Variants in KIAA1549 observed in about 807,000 individuals in gnomAD.
KIAA1549 encodes KIAA1549.
KIAA1549 carries 70 observed loss-of-function variants against 156.4 expected under a neutral mutation model. That is an observed-to-expected ratio of 0.45 (90% CI 0.37 to 0.55). The LOEUF is 0.55. Among genes scored for constraint, KIAA1549 ranks in the 20% least tolerant of loss-of-function variants. KIAA1549 has a pLI of 0.00. For synonymous variants in KIAA1549, 1,103 were observed against 1,066.4 expected, an observed-to-expected ratio of 1.03 and a Z score of -0.67; for missense variants, 2,428 against 2,540.9, an observed-to-expected ratio of 0.96 and a Z score of 0.96.
chr7:138,894,576 A>G (rs1425432871), intron 9 of KIAA1549, 50 bp from the exon 10 acceptor site: 1 of 1,562,454 alleles, frequency 6.4e-7, no homozygotes, highest in Non-Finnish European at 8.8e-7. Flanking sequence ...TCACTCATGC[A>G]CTAGATTGCA....
intron 15 of KIAA1549, among the ~76,000 whole-genome samples, chr7:138,867,000 G>A (rs1245736464): frequency 2.6e-5 from 4 of 151,796 alleles, no homozygotes; most frequent in Middle Eastern, 3.4e-3. Flanking sequence ...ACGGGGTTTC[G>A]CTATATTGCC....
intron 15 of KIAA1549, among the ~76,000 whole-genome samples, chr7:138,861,690 T>TAA (rs1195358738): frequency 8.9e-5 from 8 of 90,266 alleles, no homozygotes; most frequent in African/African-American, 2.0e-4. Context: ...CCCCCATCTC[T>TAA]AAAAAAAAAA....
At chr7:138,912,519 C>T in intron 2 of KIAA1549, 59 bp from the exon 3 acceptor site, 1 of 1,405,634 alleles carries the variant, frequency 7.1e-7, no homozygotes, top group African/African-American at 1.4e-5. Flanking sequence ...AACAAACACA[C>T]CAGACTTCTG....
intron 19 of KIAA1549, 105 bp from the exon 20 acceptor site, chr7:138,838,265 A>G (rs1584977662): frequency 8.2e-7 from 1 of 1,216,508 alleles, no homozygotes; most frequent in East Asian, 2.6e-5. Flanking sequence ...ACGTCCATCC[A>G]CCAACTCAGC....
intron 5 of KIAA1549, among the ~76,000 whole-genome samples, chr7:138,907,993 G>C (rs1812058045): frequency 6.6e-6 from 1 of 152,244 alleles, no homozygotes; most frequent in East Asian, 1.9e-4. Context: ...ACTGCACCCA[G>C]AGAGAAGCCC....
At chr7:138,913,528 T>C (rs993374561) in intron 2 of KIAA1549, among the ~76,000 whole-genome samples, 1 of 152,238 alleles carries the variant, frequency 6.6e-6, no homozygotes, top group African/African-American at 2.4e-5. Flanking sequence ...AGAATTAGAA[T>C]ACACTTGATA....
chr7:138,909,952 A>C (rs749245131), intron 4 of KIAA1549, among the ~76,000 whole-genome samples: 29 of 152,168 alleles, frequency 1.9e-4, no homozygotes, highest in Non-Finnish European at 3.8e-4. Flanking sequence ...AGCTCCAAAA[A>C]AAAGAAAAGA....
chr7:138,915,509 A>G (rs368493252), intron 2 of KIAA1549, among the ~76,000 whole-genome samples: 1 of 151,932 alleles, frequency 6.6e-6, no homozygotes, highest in Non-Finnish European at 1.5e-5. Flanking sequence ...TAGGGTGTTG[A>G]TCACTGACGT....
At chr7:138,839,972 A>C (rs1809860430) in intron 19 of KIAA1549, among the ~76,000 whole-genome samples, 161 bp downstream of exon 19, 1 of 151,208 alleles carries the variant, frequency 6.6e-6, no homozygotes, top group Non-Finnish European at 1.5e-5. Flanking sequence ...TTGTATTTTT[A>C]GTAGAGACGG....
intron 6 of KIAA1549, among the ~76,000 whole-genome samples, chr7:138,906,325 T>C (rs1812004672): frequency 6.6e-6 from 1 of 152,182 alleles, no homozygotes; most frequent in Admixed American, 6.5e-5. Context: ...CTATGGGCTA[T>C]GGATGATGAT....
chr7:138,878,439 A>G (rs936704514), intron 12 of KIAA1549, among the ~76,000 whole-genome samples: 1 of 152,246 alleles, frequency 6.6e-6, no homozygotes, highest in African/African-American at 2.4e-5. Flanking sequence ...TTATGATTAA[A>G]AACTGTAAGT....
intron 1 of KIAA1549, among the ~76,000 whole-genome samples, chr7:138,947,328 C>A (rs1428743512): frequency 1.3e-5 from 2 of 152,064 alleles, no homozygotes; most frequent in Non-Finnish European, 2.9e-5. Context: ...ACTTAATTTC[C>A]CCAACCACCC....
chr7:138,874,280 G>C (rs568412414), intron 12 of KIAA1549, among the ~76,000 whole-genome samples: 5 of 151,956 alleles, frequency 3.3e-5, no homozygotes, highest in Admixed American at 3.3e-4. Context: ...TTTTTTAAAA[G>C]TAATGATATA....
At chr7:138,924,943 TGACGCTG>T (rs971056938) in intron 1 of KIAA1549, among the ~76,000 whole-genome samples, 12 of 152,182 alleles carry the variant, frequency 7.9e-5, no homozygotes, top group Non-Finnish European at 1.5e-4. Flanking sequence ...CCCGCCTGAA[TGACGCTG>T]GACCCCGGAC....
At chr7:138,861,646 G>C (rs1810584781) in intron 15 of KIAA1549, among the ~76,000 whole-genome samples, 190 bp from the exon 16 acceptor site, 1 of 147,112 alleles carries the variant, frequency 6.8e-6, no homozygotes, top group Non-Finnish European at 1.5e-5. Flanking sequence ...GAGGCCAGGA[G>C]TTCGAGACCA....
At chr7:138,899,417 G>T (rs1034880907) in intron 8 of KIAA1549, among the ~76,000 whole-genome samples, 1 of 152,148 alleles carries the variant, frequency 6.6e-6, no homozygotes, top group Non-Finnish European at 1.5e-5. Flanking sequence ...GGCGAGTCCA[G>T]GTGGTCTAAA....
rs1554428333 is a variant in KIAA1549, at chr7:138,960,287, T to TTTTTTTTA, written c.187+20795_187+20796insTAAAAAAA. Among the ~76,000 whole-genome samples the TTTTTTTTA allele has an allele frequency of 1.5e-3, 133 of 90,272 alleles. 1 individual carries two copies. Among genetic ancestry groups the TTTTTTTTA allele is most frequent in the African/African-American group, 6.3e-3 (130 of 20,562 alleles). The allele number at this position is 90,272 out of a possible 152,430, so 59.2% of individuals were successfully genotyped here. On this transcript the variant is annotated intron_variant, in intron 1 of 19. Transcript: ENST00000422774. ...CTCATCTCTACAAAAATAAATTTTA[T>TTTTTTTTA]TTTATTGATTTATTGATTTATTTAT...
chr7:138,876,921 T>C (rs915617351), intron 12 of KIAA1549, among the ~76,000 whole-genome samples: 3 of 152,138 alleles, frequency 2.0e-5, no homozygotes, highest in African/African-American at 7.2e-5. Flanking sequence ...AAGCACAACC[T>C]CCAATTTACC....
At chr7:138,975,511 A>G (rs973357592) in intron 1 of KIAA1549, among the ~76,000 whole-genome samples, 2 of 152,178 alleles carry the variant, frequency 1.3e-5, no homozygotes, top group African/African-American at 4.8e-5. Context: ...AATGAGCTAC[A>G]AGGAGCTAGA....
Sources: gnomAD v4.1 joint callset for allele counts (sites outside exome capture counted in the v4.1 genomes callset) on GRCh38, gnomAD v4.1.1 for gene constraint, MANE v1.5 for transcripts, NCBI Gene and HGNC (gene_info 2026-07-23, HGNC 2026-07-21) for gene names.